The following PDZRN4 variants were observed in gnomAD, a reference collection of about 807,000 sequenced individuals.
PDZRN4 encodes the protein PDZ domain-containing RING finger protein 4.
A neutral mutation model predicts 99.0 loss-of-function variants in PDZRN4; 70 were observed. That is an observed-to-expected ratio of 0.71 (90% CI 0.58 to 0.86). The LOEUF is 0.86. PDZRN4 is among the 40% of genes least tolerant of loss of function. The pLI, the probability that PDZRN4 is intolerant of heterozygous loss-of-function variation, is 0.00. For missense variants in PDZRN4, 1,474 were observed against 1,331.2 expected, an observed-to-expected ratio of 1.11 and a Z score of -1.67; for synonymous variants, 551 against 501.6, an observed-to-expected ratio of 1.10 and a Z score of -1.32.
chr12:41,467,786 G>C (rs531090907), intron 3 of PDZRN4, among the ~76,000 whole-genome samples: 1 of 152,322 alleles, frequency 6.6e-6, no homozygotes, highest in East Asian at 1.9e-4. Context: ...AGGGGACTCT[G>C]TACTTACTGG....
Position 41,334,059 on chromosome 12 carries a change from A to G in PDZRN4, c.843+139871A>G, listed in dbSNP as rs1021817640. 2.0e-5 allele frequency among the ~76,000 whole-genome samples: 3 copies of G among 152,062 alleles called. No homozygotes were observed. In the South Asian group the frequency reaches 6.2e-4, roughly 31 times the overall value. ...AGCTGACTACCACTCTATTGGCAGT[A>G]TTTTTGTTATTGTTTTTATTTATGC... On this transcript the variant is annotated intron_variant, in intron 3 of 9. Transcript: ENST00000402685.
intron 3 of PDZRN4, among the ~76,000 whole-genome samples, chr12:41,298,199 C>T (rs769843112): frequency 5.9e-5 from 9 of 152,004 alleles, no homozygotes; most frequent in Non-Finnish European, 5.9e-5. Context: ...ATTAACAGTT[C>T]TTAATATATA....
chr12:41,551,035 C>T (rs190316317), intron 5 of PDZRN4, among the ~76,000 whole-genome samples: 54 of 152,202 alleles, frequency 3.5e-4, no homozygotes, highest in African/African-American at 1.3e-3. Context: ...TACTTTTTGT[C>T]TTTGTACATT....
chr12:41,226,082 CA>C (rs1405454470), intron 3 of PDZRN4, among the ~76,000 whole-genome samples: 1 of 151,188 alleles, frequency 6.6e-6, no homozygotes, highest in Non-Finnish European at 1.5e-5. Context: ...CATTTGGTGT[CA>C]TTTTTTTTTT....
intron 5 of PDZRN4, among the ~76,000 whole-genome samples, chr12:41,544,992 T>A (rs1190820613): frequency 1.3e-5 from 2 of 152,236 alleles, no homozygotes; most frequent in Non-Finnish European, 2.9e-5. Flanking sequence ...TAAGAACCGA[T>A]AGGACAATGA....
chr12:41,548,831 T>C (rs1278974286), intron 5 of PDZRN4, among the ~76,000 whole-genome samples: 3 of 152,128 alleles, frequency 2.0e-5, no homozygotes, highest in Admixed American at 6.6e-5. Flanking sequence ...GTACAACCAA[T>C]GTATGTAAAA....
intron 3 of PDZRN4, among the ~76,000 whole-genome samples, chr12:41,389,518 A>G (rs543137624): frequency 6.6e-6 from 1 of 152,298 alleles, no homozygotes; most frequent in Admixed American, 6.5e-5. Context: ...CCAGTCATCT[A>G]CTATACCATG....
chr12:41,366,609 T>C (rs1471742513), intron 3 of PDZRN4, among the ~76,000 whole-genome samples: 1 of 152,118 alleles, frequency 6.6e-6, no homozygotes, highest in East Asian at 1.9e-4. Context: ...TGTTTCCTTT[T>C]GGGGTAACCT....
chr12:41,318,848 A>G (rs1266647498), intron 3 of PDZRN4, among the ~76,000 whole-genome samples: 1 of 152,072 alleles, frequency 6.6e-6, no homozygotes, highest in Admixed American at 6.6e-5. Context: ...ATAGATTATT[A>G]CCTCTCTGAA....
intron 8 of PDZRN4, among the ~76,000 whole-genome samples, chr12:41,565,225 A>G (rs1234452362): frequency 1.3e-5 from 2 of 152,112 alleles, no homozygotes; most frequent in African/African-American, 4.8e-5. Context: ...ATTTGATGAA[A>G]GATGGTTGTC....
intron 3 of PDZRN4, among the ~76,000 whole-genome samples, chr12:41,390,354 A>G (rs970762904): frequency 6.6e-6 from 1 of 152,016 alleles, no homozygotes; most frequent in African/African-American, 2.4e-5. Context: ...TGTTTTTGCT[A>G]TACCATTTTA....
rs34057539 is a variant in PDZRN4 at position 41,469,707 on chromosome 12, C to G, written c.844-36749C>G. On this transcript the variant is annotated intron_variant, in intron 3 of 9. Coordinates refer to ENST00000402685, the MANE Select transcript of PDZRN4 (RefSeq NM_001164595.2). Reference sequence around the variant, plus strand: ...AGCACTTTGGGAGGCCGAGGGGGGCCGATCACGAGGTCAGGAGATCGAGAC... The same window carrying G: ...AGCACTTTGGGAGGCCGAGGGGGGCGGATCACGAGGTCAGGAGATCGAGAC... Among the ~76,000 whole-genome samples, 398 of 151,858 alleles carry G rather than the reference C, an allele frequency of 2.6e-3. 1 individual carries two copies. Among genetic ancestry groups the G allele is most frequent in the African/African-American group, 8.3e-3 (345 of 41,442 alleles).
At chr12:41,378,962 G>A (rs767646778) in intron 3 of PDZRN4, among the ~76,000 whole-genome samples, 2 of 152,182 alleles carry the variant, frequency 1.3e-5, no homozygotes, top group South Asian at 2.1e-4. Context: ...CACATGTGTA[G>A]TAATCTATAG....
At chr12:41,372,745 C>A (rs1260839075) in intron 3 of PDZRN4, among the ~76,000 whole-genome samples, 1 of 152,128 alleles carries the variant, frequency 6.6e-6, no homozygotes, top group East Asian at 1.9e-4. Context: ...CATGAAAGAT[C>A]TTCTAAGCCA....
chr12:41,545,068 A>C (rs1204918955), intron 5 of PDZRN4, among the ~76,000 whole-genome samples: 1 of 152,078 alleles, frequency 6.6e-6, no homozygotes, highest in Non-Finnish European at 1.5e-5. Context: ...AATCCCTCCA[A>C]CTCACCCACT....
chr12:41,338,081 G>T (rs562744316), intron 3 of PDZRN4, among the ~76,000 whole-genome samples: 1 of 152,150 alleles, frequency 6.6e-6, no homozygotes, highest in Non-Finnish European at 1.5e-5. Flanking sequence ...CTTTGTAGTT[G>T]CTTGCTAATA....
At chr12:41,404,403 T>A (rs1952327949) in intron 3 of PDZRN4, among the ~76,000 whole-genome samples, 1 of 152,028 alleles carries the variant, frequency 6.6e-6, no homozygotes, top group South Asian at 2.1e-4. Context: ...CAATCTCCTT[T>A]ACAATAGCCA....
intron 3 of PDZRN4, among the ~76,000 whole-genome samples, chr12:41,202,355 T>C (rs574426542): frequency 8.9e-4 from 136 of 152,238 alleles, no homozygotes; most frequent in African/African-American, 3.1e-3. Context: ...GTACATGCTG[T>C]TGTATTCCTA....
chr12:41,252,187 G>A (rs914628745), intron 3 of PDZRN4, among the ~76,000 whole-genome samples: 5 of 152,128 alleles, frequency 3.3e-5, no homozygotes, highest in African/African-American at 1.2e-4. Flanking sequence ...CTTTGGCAAT[G>A]TCTTATAAAT....
Sources: allele counts gnomAD v4.1 joint callset (sites outside exome capture counted in the v4.1 genomes callset), GRCh38; gene constraint gnomAD v4.1.1; transcripts MANE v1.5; gene names NCBI Gene and HGNC (gene_info 2026-07-23, HGNC 2026-07-21).